DACH2: variants seen among roughly 807,000 people sequenced by gnomAD.
DACH2 encodes the protein dachshund family transcription factor 2.
DACH2 carries 17 observed loss-of-function variants against 35.8 expected under a neutral mutation model. The ratio of observed to expected loss-of-function variants is 0.48; its 90% confidence interval spans 0.33 to 0.71. The LOEUF is 0.71. DACH2 is among the 30% of genes least tolerant of loss of function. The probability of loss-of-function intolerance (pLI) is 0.02; values close to 1 mark genes in which losing one functional copy is unlikely to be tolerated. For missense variants in DACH2, 469 were observed against 472.7 expected (o/e 0.99, Z 0.07); for synonymous variants, 195 against 177.3 (o/e 1.10, Z -0.79).
At chrX:86,640,856 C>T (rs889154652) in intron 3 of DACH2, among the ~76,000 whole-genome samples, 1 of 111,868 alleles carries the variant, frequency 8.9e-6, no homozygotes, top group Admixed American at 9.5e-5. Flanking sequence ...ACTAACATTT[C>T]CCCATCTGAA....
intron 2 of DACH2, among the ~76,000 whole-genome samples, chrX:86,488,918 A>G (rs1366890480): frequency 9.0e-6 from 1 of 111,189 alleles, no homozygotes; most frequent in African/African-American, 3.3e-5. Flanking sequence ...ACGACATATA[A>G]TCATTACCTA....
intron 5 of DACH2, among the ~76,000 whole-genome samples, chrX:86,695,846 TGGAGAA>T (rs2041062972): frequency 9.0e-6 from 1 of 111,222 alleles, no homozygotes; most frequent in Non-Finnish European, 1.9e-5. Context: ...TGTTAGACGT[TGGAGAA>T]GTCACCTAAC....
At chrX:86,434,959 C>T (rs1490492633) in intron 2 of DACH2, among the ~76,000 whole-genome samples, 3 of 110,313 alleles carry the variant, frequency 2.7e-5, no homozygotes, top group East Asian at 2.9e-4. Context: ...GTGCCACATG[C>T]TTTTAGATGA....
intron 3 of DACH2, among the ~76,000 whole-genome samples, chrX:86,556,790 A>AGAGAGAGG (rs2039132062): frequency 1.8e-5 from 1 of 56,257 alleles, no homozygotes; most frequent in Non-Finnish European, 3.1e-5. Context: ...ATATATATAT[A>AGAGAGAGG]TATATAGAGA....
chrX:86,295,006 G>A (rs1275268924), intron 1 of DACH2, among the ~76,000 whole-genome samples: 2 of 112,592 alleles, frequency 1.8e-5, no homozygotes, highest in South Asian at 3.6e-4. Context: ...AATGGCGGGC[G>A]CCCCTCCTCC....
chrX:86,248,162 C>T (rs955552485), intron 1 of DACH2, among the ~76,000 whole-genome samples: 1 of 111,146 alleles, frequency 9.0e-6, no homozygotes, highest in African/African-American at 3.3e-5. Flanking sequence ...AGCTTCTGTT[C>T]AACATAGTAC....
intron 1 of DACH2, among the ~76,000 whole-genome samples, chrX:86,166,365 G>C (rs1026905827): frequency 1.3e-4 from 14 of 110,860 alleles, no homozygotes; most frequent in African/African-American, 4.6e-4. Context: ...TTTTCAGATT[G>C]TTCACTGTTG....
chrX:86,773,555 T>C (rs544469995), intron 7 of DACH2, among the ~76,000 whole-genome samples: 3 of 112,375 alleles, frequency 2.7e-5, no homozygotes, highest in East Asian at 2.8e-4. Flanking sequence ...GATGTGATCA[T>C]TTTTACAATT....
At chrX:86,415,034 G>A (rs751826317) in intron 2 of DACH2, among the ~76,000 whole-genome samples, 63 of 111,702 alleles carry the variant, frequency 5.6e-4, no homozygotes, top group Admixed American at 1.0e-3. Context: ...AGTATTAAGC[G>A]TCACAGTACA....
chrX:86,671,258 T>G (rs1602766574), intron 4 of DACH2, among the ~76,000 whole-genome samples: 1 of 112,298 alleles, frequency 8.9e-6, no homozygotes, highest in Non-Finnish European at 1.9e-5. Context: ...CACATTAGGT[T>G]GTATGATAAA....
intron 1 of DACH2, among the ~76,000 whole-genome samples, chrX:86,278,541 G>A (rs766432403): frequency 4.9e-4 from 55 of 112,399 alleles, no homozygotes; most frequent in Non-Finnish European, 9.0e-4. Context: ...TTCCTATTTT[G>A]ATTAATAAAG....
intron 3 of DACH2, among the ~76,000 whole-genome samples, chrX:86,598,054 T>C (rs1347331040): frequency 2.7e-5 from 3 of 111,013 alleles, no homozygotes; most frequent in Non-Finnish European, 5.7e-5. Flanking sequence ...AAAACCATCA[T>C]ATCTCGTGAG....
chrX:86,156,539 A>T (rs1451681571), intron 1 of DACH2, among the ~76,000 whole-genome samples: 1 of 111,870 alleles, frequency 8.9e-6, no homozygotes, highest in Non-Finnish European at 1.9e-5. Context: ...ATGTAAAGGT[A>T]TCAAAATCTA....
At position 86,501,834 on chromosome X, in the gene DACH2, C is replaced by A. The variant is rs1350534680; in HGVS notation, c.528-12445C>A. 5.4e-5 allele frequency among the ~76,000 whole-genome samples: 6 copies of A among 111,075 alleles called. No homozygotes were observed. In the Admixed American group the frequency reaches 5.8e-4, roughly 11 times the overall value. The stretch of plus-strand genomic sequence containing the variant: ...GTCTCCTGTTGTGCTAATTGGTAAC[C>A]CTGCCACCTGTTAATTTTGGTATTT... On this transcript the variant is annotated intron_variant, in intron 2 of 11. Transcript: ENST00000373125.
chrX:86,283,718 GC>G (rs2034081356), intron 1 of DACH2, among the ~76,000 whole-genome samples: 1 of 102,951 alleles, frequency 9.7e-6, no homozygotes, highest in African/African-American at 3.6e-5. Flanking sequence ...ACACACTGGG[GC>G]CTGTTGGGGG....
chrX:86,671,079 T>A (rs1037298121), intron 4 of DACH2, among the ~76,000 whole-genome samples: 7 of 112,176 alleles, frequency 6.2e-5, no homozygotes, highest in Non-Finnish European at 5.6e-5. Flanking sequence ...ACATAACAAT[T>A]GAATCACATT....
chrX:86,452,822 T>C (rs1378988213), intron 2 of DACH2, among the ~76,000 whole-genome samples: 1 of 111,437 alleles, frequency 9.0e-6, no homozygotes, highest in Non-Finnish European at 1.9e-5. Flanking sequence ...TATCCTTCAG[T>C]TCAGCTCCGA....
Position 86,648,800 on chromosome X carries a change from C to A in DACH2, c.641-2236C>A, listed in dbSNP as rs180827094. Among the ~76,000 whole-genome samples, 623 of 110,277 alleles carry A rather than the reference C, an allele frequency of 5.6e-3. 3 individuals carry two copies. Among genetic ancestry groups the A allele is most frequent in the Non-Finnish European group, 7.9e-3 (412 of 52,357 alleles). On this transcript the variant is annotated intron_variant, in intron 3 of 11. Coordinates refer to ENST00000373125, the MANE Select transcript of DACH2 (RefSeq NM_053281.3). ...GTTTTTTAAAAATAAAATAAAAAAT[C>A]AAATAAATTTTTTCTGCACCATGAG...
At chrX:86,299,800 C>A (rs1244654841) in intron 1 of DACH2, among the ~76,000 whole-genome samples, 2 of 112,005 alleles carry the variant, frequency 1.8e-5, no homozygotes, top group African/African-American at 6.5e-5. Context: ...TTGGCCTCCT[C>A]CATTTGTCAG....
Sources: gnomAD v4.1 joint callset for allele counts (sites outside exome capture counted in the v4.1 genomes callset) on GRCh38, gnomAD v4.1.1 for gene constraint, MANE v1.5 for transcripts, NCBI Gene and HGNC (gene_info 2026-07-23, HGNC 2026-07-21) for gene names.